Variants in PSMD14 observed in about 807,000 individuals in gnomAD.
The protein encoded by PSMD14 is ubiquitin C-terminal hydrolase PSMD14.
In PSMD14, 7 loss-of-function variants were observed where a neutral mutation model predicts 41.2. That is an observed-to-expected ratio of 0.17 (90% CI 0.10 to 0.32). The LOEUF (loss-of-function observed/expected upper bound fraction) is 0.32, where lower values mean the gene tolerates loss of function less well. Among genes scored for constraint, PSMD14 ranks in the 10% least tolerant of loss-of-function variants. The probability of loss-of-function intolerance (pLI) is 1.00; values close to 1 mark genes in which losing one functional copy is unlikely to be tolerated. For missense variants in PSMD14, 139 were observed against 375.6 expected (o/e 0.37, Z 5.21); for synonymous variants, 114 against 122.3 (o/e 0.93, Z 0.45).
chr2:161,320,809 T>G (rs1682567682), intron 3 of PSMD14, among the ~76,000 whole-genome samples: 1 of 152,166 alleles, frequency 6.6e-6, no homozygotes, highest in Non-Finnish European at 1.5e-5. Context: ...CACTGTACCC[T>G]CTGCCTCCTG....
intron 7 of PSMD14, among the ~76,000 whole-genome samples, chr2:161,375,325 T>C (rs1683488933): frequency 6.6e-6 from 1 of 152,060 alleles, no homozygotes; most frequent in Non-Finnish European, 1.5e-5. Context: ...TGAAATTGCT[T>C]GTTTCTGTAA....
At chr2:161,349,063 A>G (rs939672149) in intron 3 of PSMD14, among the ~76,000 whole-genome samples, 2 of 152,168 alleles carry the variant, frequency 1.3e-5, no homozygotes, top group African/African-American at 4.8e-5. Context: ...TTCTAGGTAA[A>G]TGACCCTTTT....
intron 3 of PSMD14, among the ~76,000 whole-genome samples, chr2:161,321,520 T>C (rs1574114425): frequency 6.6e-6 from 1 of 152,198 alleles, no homozygotes; most frequent in Non-Finnish European, 1.5e-5. Flanking sequence ...ACCTGGCGGT[T>C]ACTGTCAGAC....
At chr2:161,330,379 A>G (rs150174088) in intron 3 of PSMD14, among the ~76,000 whole-genome samples, 1 of 152,296 alleles carries the variant, frequency 6.6e-6, no homozygotes, top group Non-Finnish European at 1.5e-5. Flanking sequence ...CAATATTCCA[A>G]ATGTATGGGA....
intron 3 of PSMD14, among the ~76,000 whole-genome samples, chr2:161,358,425 T>C (rs1683236842): frequency 6.6e-6 from 1 of 152,186 alleles, no homozygotes; most frequent in African/African-American, 2.4e-5. Flanking sequence ...GGATTGGAAA[T>C]ATGAGACATA....
chr2:161,317,704 G>A (rs538628648), intron 2 of PSMD14, among the ~76,000 whole-genome samples: 16 of 152,162 alleles, frequency 1.1e-4, no homozygotes, highest in Admixed American at 4.6e-4. Context: ...GATTGGTGGG[G>A]GATAATATAT....
intron 3 of PSMD14, among the ~76,000 whole-genome samples, chr2:161,331,103 A>T (rs1682782762): frequency 6.6e-6 from 1 of 152,132 alleles, no homozygotes. Context: ...TTTTGTTGTC[A>T]TTGTATAGCT....
chr2:161,331,331 C>T (rs1192043110), intron 3 of PSMD14, among the ~76,000 whole-genome samples: 1 of 151,606 alleles, frequency 6.6e-6, no homozygotes, highest in South Asian at 2.1e-4. Flanking sequence ...GGTGCGATCT[C>T]GGCTCAGTGC....
chr2:161,392,976 T>G (rs1351855264), intron 9 of PSMD14, among the ~76,000 whole-genome samples: 1 of 152,174 alleles, frequency 6.6e-6, no homozygotes, highest in African/African-American at 2.4e-5. Flanking sequence ...GCCATTTTCC[T>G]TGGCATAAAA....
intron 5 of PSMD14, among the ~76,000 whole-genome samples, chr2:161,368,266 T>C (rs1683385696): frequency 6.6e-6 from 1 of 152,136 alleles, no homozygotes; most frequent in Non-Finnish European, 1.5e-5. Flanking sequence ...GATTTTCAAC[T>C]CACATATACT....
intron 3 of PSMD14, among the ~76,000 whole-genome samples, chr2:161,329,793 G>T (rs1682758436): frequency 6.6e-6 from 1 of 152,078 alleles, no homozygotes; most frequent in Non-Finnish European, 1.5e-5. Context: ...TTATACGATA[G>T]AAAATTAAGA....
chr2:161,402,670 A>G (rs766992084), intron 10 of PSMD14, among the ~76,000 whole-genome samples: 9 of 142,084 alleles, frequency 6.3e-5, no homozygotes, highest in Non-Finnish European at 9.1e-5. Flanking sequence ...ACAAAAATGA[A>G]AAGAAAGTAT....
chr2:161,327,863 A>C (rs759196869), intron 3 of PSMD14, among the ~76,000 whole-genome samples: 5 of 150,934 alleles, frequency 3.3e-5, no homozygotes, highest in Non-Finnish European at 1.5e-5. Context: ...AAACTAAAAC[A>C]ACTATTAGAT....
At chr2:161,331,122 A>G (rs1440355008) in intron 3 of PSMD14, among the ~76,000 whole-genome samples, 2 of 152,194 alleles carry the variant, frequency 1.3e-5, no homozygotes, top group African/African-American at 2.4e-5. Context: ...CTATATCACT[A>G]TAGGGAGATG....
intron 10 of PSMD14, among the ~76,000 whole-genome samples, chr2:161,401,392 A>G (rs945979288): frequency 2.6e-5 from 4 of 152,220 alleles, no homozygotes; most frequent in Admixed American, 1.3e-4. Context: ...CATTTGTTCA[A>G]GGGTCAACTG....
chr2:161,365,232 A>C (rs556057538), intron 3 of PSMD14, among the ~76,000 whole-genome samples: 1 of 152,332 alleles, frequency 6.6e-6, no homozygotes, highest in Admixed American at 6.5e-5. Flanking sequence ...TATGTTTCTG[A>C]ATCAGAAGAA....
chr2:161,370,031 C>T, intron 5 of PSMD14, 76 bp from the exon 6 acceptor site: 5 of 1,112,870 alleles, frequency 4.5e-6, no homozygotes, highest in Non-Finnish European at 5.1e-6. Flanking sequence ...ATTTTGGCAA[C>T]CCCAAATAAT....
intron 3 of PSMD14, among the ~76,000 whole-genome samples, chr2:161,320,623 G>T (rs942661239): frequency 2.0e-5 from 3 of 151,772 alleles, no homozygotes; most frequent in Admixed American, 6.6e-5. Context: ...ATTTTATCTT[G>T]TTATAGGAAT....
chr2:161,364,951 A>G (rs999890941), intron 3 of PSMD14, among the ~76,000 whole-genome samples: 1 of 152,100 alleles, frequency 6.6e-6, no homozygotes, highest in Non-Finnish European at 1.5e-5. Context: ...TAAAATACAA[A>G]AAATCAGCCT....
Sources: gnomAD v4.1 joint callset for allele counts (sites outside exome capture counted in the v4.1 genomes callset) on GRCh38, gnomAD v4.1.1 for gene constraint, MANE v1.5 for transcripts, NCBI Gene and HGNC (gene_info 2026-07-23, HGNC 2026-07-21) for gene names.